DRD3: variants seen among roughly 807,000 people sequenced by gnomAD.
DRD3 encodes D(3) dopamine receptor.
Under a neutral mutation model 36.3 loss-of-function variants are expected in DRD3, and 19 were observed. The ratio of observed to expected loss-of-function variants is 0.52; its 90% CI spans 0.36 to 0.77. The LOEUF is 0.77. Ranked by LOEUF, DRD3 falls within the 30% of genes least tolerant of loss-of-function variation. The pLI is 0.00. For missense variants in DRD3, 465 were observed against 505.3 expected (o/e 0.92, Z 0.77); for synonymous variants, 195 against 203.7 (o/e 0.96, Z 0.36).
chr3:114,181,746 A>G (rs2077948954), upstream of DRD3, among the ~76,000 whole-genome samples: 1 of 152,170 alleles, frequency 6.6e-6, no homozygotes, highest in African/African-American at 2.4e-5. Context: ...TCTGATACAT[A>G]TGGTTACTCA....
chr3:114,151,831 G>A (rs1305880843), intron 3 of DRD3, among the ~76,000 whole-genome samples: 11 of 152,212 alleles, frequency 7.2e-5, no homozygotes, highest in Non-Finnish European at 1.5e-4. Flanking sequence ...GGCATCGACA[G>A]CTCTCTGAGT....
At chr3:114,185,264 C>A (rs56362817) in intron 1 of DRD3, among the ~76,000 whole-genome samples, 21,876 of 152,140 alleles carry the variant, frequency 0.14, 1,856 homozygotes, top group Admixed American at 0.23. Context: ...ATGGTGTCTC[C>A]TATGTCTTTT....
At chr3:114,185,480 A>G (rs560809108) in intron 1 of DRD3, among the ~76,000 whole-genome samples, 40 of 152,080 alleles carry the variant, frequency 2.6e-4, no homozygotes, top group African/African-American at 9.4e-4. Context: ...CTCTTCGCTA[A>G]TATTTCCATT....
chr3:114,176,678 T>C (rs2077902546), intron 1 of DRD3, among the ~76,000 whole-genome samples: 1 of 152,104 alleles, frequency 6.6e-6, no homozygotes, highest in Admixed American at 6.5e-5. Context: ...ACAAAACGCT[T>C]CAGTAACAGG....
At chr3:114,143,512 C>T (rs1025914348) in intron 4 of DRD3, among the ~76,000 whole-genome samples, 4 of 152,216 alleles carry the variant, frequency 2.6e-5, no homozygotes, top group African/African-American at 9.7e-5. Context: ...GACAGCTTGG[C>T]TCAGAGCAGG....
At chr3:114,197,721 C>G (rs768700060) in intron 1 of DRD3, among the ~76,000 whole-genome samples, 5 of 152,140 alleles carry the variant, frequency 3.3e-5, no homozygotes, top group Admixed American at 6.5e-5. Context: ...ATTGAATTGC[C>G]TTTGCAACTT....
At chr3:114,198,975 C>A (rs958923363) in intron 1 of DRD3, among the ~76,000 whole-genome samples, 1 of 152,108 alleles carries the variant, frequency 6.6e-6, no homozygotes, top group Non-Finnish European at 1.5e-5. Context: ...GAGCTCCTGG[C>A]CTCAAGGGAT....
At chr3:114,186,402 C>T (rs145291245) in intron 1 of DRD3, among the ~76,000 whole-genome samples, 48 of 152,286 alleles carry the variant, frequency 3.2e-4, no homozygotes, top group African/African-American at 1.2e-3. Flanking sequence ...GTTGGGATTA[C>T]AGGCATGAGC....
intron 2 of DRD3, among the ~76,000 whole-genome samples, chr3:114,160,584 C>T (rs2077723847): frequency 6.6e-6 from 1 of 152,172 alleles, no homozygotes; most frequent in South Asian, 2.1e-4. Flanking sequence ...TACATTGTGC[C>T]AAAACTGTCT....
rs34500434 is a variant in DRD3 at position 114,164,220 on chromosome 3, CAAAAAAAAA to C, written c.271-4362_271-4354del. Among the ~76,000 whole-genome samples the C allele has an allele frequency of 2.3e-3, 40 of 17,776 alleles. No individual in the cohort carries two copies. The South Asian group carries it at 0.023, about 10-fold the overall frequency. 11.7% of individuals were successfully genotyped at this position (17,776 alleles called of 152,430 possible). A position where few individuals can be genotyped will look rare whatever the true frequency, so the allele number is the denominator to read the frequency against. ...TGGGTGATAGAGCGAGCCTCAGTCT[CAAAAAAAAA>C]AAAAAAAAAAAAAAAAAAAAAAAGT... On this transcript the variant is annotated intron_variant, in intron 2 of 6. Coordinates refer to ENST00000383673, the MANE Select transcript of DRD3 (RefSeq NM_000796.6).
chr3:114,163,850 T>C (rs79121785), intron 2 of DRD3, among the ~76,000 whole-genome samples: 1,787 of 152,136 alleles, frequency 0.012, 38 homozygotes, highest in African/African-American at 0.041. Flanking sequence ...TATGAGGCAA[T>C]GTGATAGGCA....
intron 5 of DRD3, among the ~76,000 whole-genome samples, chr3:114,134,965 T>C (rs977112332): frequency 1.3e-5 from 2 of 152,200 alleles, no homozygotes; most frequent in Admixed American, 6.5e-5. Context: ...TTCTGAAATA[T>C]ATAAAAACTG....
At chr3:114,148,920 C>T (rs2077592827) in intron 3 of DRD3, among the ~76,000 whole-genome samples, 1 of 152,068 alleles carries the variant, frequency 6.6e-6, no homozygotes, top group South Asian at 2.1e-4. Flanking sequence ...ATCATGTTGC[C>T]CAGGCTGGTC....
At chr3:114,157,969 G>T (rs1315631853) in intron 3 of DRD3, among the ~76,000 whole-genome samples, 1 of 152,148 alleles carries the variant, frequency 6.6e-6, no homozygotes, top group Non-Finnish European at 1.5e-5. Flanking sequence ...AGATGTGGTG[G>T]CTCATGCCTG....
chr3:114,155,394 A>C (rs2077656758), intron 3 of DRD3, among the ~76,000 whole-genome samples: 1 of 152,130 alleles, frequency 6.6e-6, no homozygotes, highest in Non-Finnish European at 1.5e-5. Context: ...TTGGGATCTA[A>C]GGCATGGCTG....
At chr3:114,131,474 C>T in intron 5 of DRD3, 74 bp from the exon 6 acceptor site, 1 of 1,522,302 alleles carries the variant, frequency 6.6e-7, no homozygotes, top group Non-Finnish European at 8.8e-7. Flanking sequence ...CTGAAAGGGC[C>T]AGAGAATTCA....
intron 1 of DRD3, among the ~76,000 whole-genome samples, chr3:114,189,503 T>C (rs2077992784): frequency 6.6e-6 from 1 of 152,250 alleles, no homozygotes; most frequent in East Asian, 1.9e-4. Flanking sequence ...CATGATTTTA[T>C]GAATTCTAAG....
chr3:114,129,240 A>G (rs7632106), intron 6 of DRD3, among the ~76,000 whole-genome samples: 147,850 of 152,106 alleles, frequency 0.97, 72,008 homozygotes, highest in Middle Eastern at 1. Flanking sequence ...CTACTCGGGA[A>G]GCTGGGGCAG....
intron 4 of DRD3, among the ~76,000 whole-genome samples, chr3:114,146,045 A>G (rs2077567127): frequency 6.6e-6 from 1 of 152,186 alleles, no homozygotes; most frequent in Admixed American, 6.5e-5. Context: ...CTGGACTTTG[A>G]TTTGGAGTTT....
Sources: gnomAD v4.1 joint callset for allele counts (sites outside exome capture counted in the v4.1 genomes callset) on GRCh38, gnomAD v4.1.1 for gene constraint, MANE v1.5 for transcripts, NCBI Gene and HGNC (gene_info 2026-07-23, HGNC 2026-07-21) for gene names.